Variants in MUC7 observed in about 807,000 individuals in gnomAD.
The protein encoded by MUC7 is mucin-7.
A neutral mutation model predicts 2.5 loss-of-function variants in MUC7; 2 were observed. The ratio of observed to expected loss-of-function variants is 0.81; its 90% CI spans 0.33 to 2.55. MUC7 has a LOEUF of 2.55. Among genes scored for constraint, MUC7 ranks in the 30% most tolerant of loss-of-function variants. The probability of loss-of-function intolerance (pLI) is 0.11; values close to 1 mark genes in which losing one functional copy is unlikely to be tolerated. For synonymous variants in MUC7, 133 were observed against 173.4 expected (o/e 0.77, Z 1.83); for missense variants, 408 against 455.6 (o/e 0.90, Z 0.95).
chr4:70,462,688 C>T (rs1261888509), intron 1 of MUC7, among the ~76,000 whole-genome samples: 1 of 152,156 alleles, frequency 6.6e-6, no homozygotes, highest in Non-Finnish European at 1.5e-5. Context: ...AGCTGAAGCA[C>T]TCTGCCTGGT....
intron 1 of MUC7, among the ~76,000 whole-genome samples, chr4:70,457,700 A>C (rs563079661): frequency 2.6e-5 from 4 of 152,286 alleles, no homozygotes; most frequent in Admixed American, 6.5e-5. Context: ...TTCTGAAAAT[A>C]GTTTTTAAGA....
intron 1 of MUC7, among the ~76,000 whole-genome samples, chr4:70,433,709 C>G (rs565395836): frequency 6.6e-6 from 1 of 152,056 alleles, no homozygotes; most frequent in Non-Finnish European, 1.5e-5. Flanking sequence ...AATTGAATAC[C>G]CTTTATTTCT....
intron 2 of MUC7, among the ~76,000 whole-genome samples, chr4:70,476,329 A>G (rs2109743887): frequency 6.6e-6 from 1 of 152,326 alleles, no homozygotes; most frequent in African/African-American, 2.4e-5. Context: ...CAATCAACAC[A>G]AGTCATGTTA....
intron 2 of MUC7, among the ~76,000 whole-genome samples, chr4:70,476,976 G>C (rs1321786977): frequency 6.6e-6 from 1 of 152,160 alleles, no homozygotes; most frequent in Non-Finnish European, 1.5e-5. Flanking sequence ...TCTGGAGTCA[G>C]ATGAAGAGCT....
intron 2 of MUC7, among the ~76,000 whole-genome samples, chr4:70,479,254 T>C (rs1055144093): frequency 6.6e-6 from 1 of 152,222 alleles, no homozygotes; most frequent in African/African-American, 2.4e-5. Flanking sequence ...TGCTTTGAAA[T>C]AGTTATGTGG....
intron 1 of MUC7, among the ~76,000 whole-genome samples, chr4:70,438,587 C>A (rs1174310807): frequency 6.6e-6 from 1 of 151,918 alleles, no homozygotes; most frequent in Admixed American, 6.6e-5. Context: ...CTTCCAAGTA[C>A]CTGGGACTAC....
At position 70,437,451 on chromosome 4, in the gene MUC7, G is replaced by A. The variant is rs181931777; in HGVS notation, c.-93+6764G>A. Among the ~76,000 whole-genome samples, 28 of 152,290 alleles carry A rather than the reference G, an allele frequency of 1.8e-4. No individual in the cohort carries two copies. The East Asian group carries it at 5.0e-3, about 27-fold the overall frequency. On this transcript the variant is annotated intron_variant, in intron 1 of 3. Transcript: ENST00000413702. ...TGGCAAATGCCCCTCCCCCCGCCACGCTGTAGCGTCCCAGGTCGATCTCAG... is the reference window on the plus strand; with the variant it reads ...TGGCAAATGCCCCTCCCCCCGCCACACTGTAGCGTCCCAGGTCGATCTCAG...
intron 1 of MUC7, among the ~76,000 whole-genome samples, chr4:70,452,431 A>C (rs186668030): frequency 6.6e-6 from 1 of 151,912 alleles, no homozygotes; most frequent in African/African-American, 2.4e-5. Flanking sequence ...ATATGTTTTT[A>C]GATTTCAGGT....
upstream of MUC7, among the ~76,000 whole-genome samples, chr4:70,470,548 G>A (rs181976603): frequency 4.2e-3 from 640 of 152,098 alleles, 1 homozygote; most frequent in Middle Eastern, 6.8e-3. Flanking sequence ...TTATCTCCAG[G>A]CATTATTTAG....
chr4:70,445,509 T>G (rs1449426334), intron 1 of MUC7, among the ~76,000 whole-genome samples: 4 of 152,136 alleles, frequency 2.6e-5, no homozygotes, highest in African/African-American at 9.7e-5. Context: ...AGAAATCATG[T>G]TTCAAAATCT....
chr4:70,465,447 C>G (rs553755373), intron 1 of MUC7, among the ~76,000 whole-genome samples: 8 of 152,242 alleles, frequency 5.3e-5, no homozygotes, highest in Admixed American at 1.3e-4. Context: ...TAATAACCTT[C>G]TCTGAGCTAA....
chr4:70,450,966 T>C (rs1025730687), intron 1 of MUC7, among the ~76,000 whole-genome samples: 2 of 146,308 alleles, frequency 1.4e-5, no homozygotes, highest in African/African-American at 5.0e-5. Context: ...TGTTTCAGTA[T>C]GTTGCATGCC....
At chr4:70,475,316 T>C (rs79346140) in intron 2 of MUC7, among the ~76,000 whole-genome samples, 2,050 of 152,176 alleles carry the variant, frequency 0.013, 48 homozygotes, top group African/African-American at 0.047. Flanking sequence ...AAAAACGTTC[T>C]AGTTTGGGGC....
chr4:70,440,655 T>TA (rs1333476401), intron 1 of MUC7, among the ~76,000 whole-genome samples: 5 of 152,224 alleles, frequency 3.3e-5, no homozygotes, highest in Non-Finnish European at 7.3e-5. Context: ...CCAATTACAC[T>TA]AATTTGATCT....
intron 1 of MUC7, among the ~76,000 whole-genome samples, chr4:70,448,854 G>A (rs1034918189): frequency 6.6e-6 from 1 of 152,120 alleles, no homozygotes; most frequent in Non-Finnish European, 1.5e-5. Flanking sequence ...GCCCACTCCA[G>A]TGTCCTGGAG....
rs536496484 is a variant in MUC7, at chr4:70,474,013, T to C, written c.-9T>C. 12 of 1,610,836 alleles carry C rather than the reference T, an allele frequency of 7.4e-6. No individual in the cohort carries two copies. In the South Asian group the frequency reaches 1.1e-4, roughly 15 times the overall value. Reference sequence around the variant, plus strand: ...ACATTTCTGCTTTTCCCAGGAGACATCAGAAAGAATGAAAACTCTGCCGCT... The same window carrying C: ...ACATTTCTGCTTTTCCCAGGAGACACCAGAAAGAATGAAAACTCTGCCGCT... On this transcript the variant is annotated 5_prime_UTR_variant, in exon 2 of 3. Coordinates refer to ENST00000304887, the MANE Select transcript of MUC7 (RefSeq NM_152291.3).
chr4:70,436,938 C>T (rs906624277), intron 1 of MUC7, among the ~76,000 whole-genome samples: 1 of 152,232 alleles, frequency 6.6e-6, no homozygotes, highest in Non-Finnish European at 1.5e-5. Flanking sequence ...TGTTAGTTTT[C>T]CTTCTAACAG....
At chr4:70,439,354 C>G (rs1192182569) in intron 1 of MUC7, among the ~76,000 whole-genome samples, 2 of 152,096 alleles carry the variant, frequency 1.3e-5, no homozygotes, top group Non-Finnish European at 2.9e-5. Context: ...GGCAAAAAGT[C>G]TGGATTTCAT....
At chr4:70,458,993 TA>T (rs1734479505) in intron 1 of MUC7, among the ~76,000 whole-genome samples, 1 of 152,106 alleles carries the variant, frequency 6.6e-6, no homozygotes, top group African/African-American at 2.4e-5. Context: ...ATAAAAGTCA[TA>T]AAACTATATG....
Sources: gnomAD v4.1 joint callset for allele counts (sites outside exome capture counted in the v4.1 genomes callset) on GRCh38, gnomAD v4.1.1 for gene constraint, MANE v1.5 for transcripts, NCBI Gene and HGNC (gene_info 2026-07-23, HGNC 2026-07-21) for gene names.